Variants in CDKL3 observed in about 807,000 individuals in gnomAD.
CDKL3 encodes the protein cyclin dependent kinase like 3, also known as cyclin-dependent kinase-like 3.
Under a neutral mutation model 69.3 loss-of-function variants are expected in CDKL3, and 65 were observed. The ratio of observed to expected loss-of-function variants is 0.94; its 90% CI spans 0.77 to 1.15. The LOEUF (loss-of-function observed/expected upper bound fraction) is 1.15. CDKL3 is among the 50% of genes most tolerant of loss of function. The pLI, the probability that CDKL3 is intolerant of heterozygous loss-of-function variation, is 0.00. For missense variants in CDKL3, 652 were observed against 689.2 expected, an observed-to-expected ratio of 0.95 and a Z score of 0.61; for synonymous variants, 202 against 221.6, an observed-to-expected ratio of 0.91 and a Z score of 0.79.
upstream of CDKL3, among the ~76,000 whole-genome samples, chr5:134,368,768 C>T (rs918852699): frequency 1.3e-5 from 2 of 151,932 alleles, no homozygotes; most frequent in African/African-American, 2.4e-5. Context: ...AAGGAGGCTG[C>T]GCACAGTGGC....
At chr5:134,371,487 G>GGCT, upstream of CDKL3, 1 of 1,409,494 alleles carries the variant, frequency 7.1e-7, no homozygotes, top group East Asian at 2.5e-5. Flanking sequence ...CGGCGGCGGC[G>GGCT]GCGGCGGCGG....
At chr5:134,371,561 T>G (rs762292024), upstream of CDKL3, 2 of 1,609,348 alleles carry the variant, frequency 1.2e-6, no homozygotes, top group Non-Finnish European at 1.7e-6. Context: ...CGGGACTTTT[T>G]TTTTTTCAGA....
chr5:134,298,770 A>C (rs769732916), intron 12 of CDKL3, 60 bp from the exon 13 acceptor site: 2 of 1,575,336 alleles, frequency 1.3e-6, no homozygotes, highest in Non-Finnish European at 1.7e-6. Context: ...TATGCTACCA[A>C]AACTCTGACT....
intron 2 of CDKL3, among the ~76,000 whole-genome samples, 158 bp downstream of exon 2, chr5:134,366,201 G>A (rs200528844): frequency 6.6e-6 from 1 of 152,030 alleles, no homozygotes; most frequent in Non-Finnish European, 1.5e-5. Flanking sequence ...CATATATCTT[G>A]TATCACTATA....
chr5:134,327,155 G>C (rs1300603480), intron 4 of CDKL3, among the ~76,000 whole-genome samples: 1 of 152,024 alleles, frequency 6.6e-6, no homozygotes, highest in Non-Finnish European at 1.5e-5. Context: ...TGGGTGATTA[G>C]TGTCAAGAGG....
chr5:134,320,473 CAGGCTGAG>C, intron 5 of CDKL3, among the ~76,000 whole-genome samples: 1 of 152,066 alleles, frequency 6.6e-6, no homozygotes, highest in South Asian at 2.1e-4. Context: ...AGCCACTCAG[CAGGCTGAG>C]GTGGGAGAAT....
At position 134,350,387 on chromosome 5, in the gene CDKL3, G is replaced by C. The variant is rs1168554258; in HGVS notation, c.401C>G (p.Ser134Cys). 6.4e-7 allele frequency: 1 copy of C among 1,573,842 alleles called. No homozygotes were observed. The highest frequency in any genetic ancestry group is 1.2e-5 in the South Asian group (1 of 85,674). ...ACAGAGCTTAGTAATTCCTGACTGG[G>C]ATACTAAAATATTCTCAGGTTTTAT... The part of the protein sequence containing the change: ...RDIKPENILV[S>C]QSGITKLCDF... The change falls in exon 4 of 13, where the codon TCC becomes TGC. Residue 134 changes from serine (S) to cysteine (C), a missense_variant. Coordinates refer to ENST00000265334, the MANE Select transcript of CDKL3 (RefSeq NM_001113575.2).
chr5:134,309,061 T>G (rs1768673832), intron 7 of CDKL3, among the ~76,000 whole-genome samples: 1 of 152,220 alleles, frequency 6.6e-6, no homozygotes, highest in Admixed American at 6.5e-5. Flanking sequence ...TAAGGAAGAC[T>G]CAGACCACTT....
chr5:134,314,765 G>C (rs79313579), intron 6 of CDKL3, among the ~76,000 whole-genome samples: 4,879 of 152,234 alleles, frequency 0.032, 242 homozygotes, highest in African/African-American at 0.11. Context: ...TAATCTATGG[G>C]AATAGAAAGC....
intron 5 of CDKL3, among the ~76,000 whole-genome samples, chr5:134,320,353 C>T (rs985891609): frequency 6.6e-6 from 1 of 152,094 alleles, no homozygotes; most frequent in Admixed American, 6.6e-5. Context: ...TGGTGGCTCA[C>T]GCCTGTAATC....
intron 4 of CDKL3, among the ~76,000 whole-genome samples, chr5:134,326,571 T>C (rs929155891): frequency 9.9e-5 from 15 of 151,264 alleles, no homozygotes; most frequent in African/African-American, 3.4e-4. Context: ...CAAACAGAGG[T>C]ATGAACTTCT....
Position 134,330,831 on chromosome 5 carries a change from C to T in CDKL3, c.540-8928G>A, listed in dbSNP as rs576026204. Among the ~76,000 whole-genome samples the T allele has an allele frequency of 2.0e-5, 3 of 152,272 alleles. No individual in the cohort carries two copies. The South Asian group carries it at 6.2e-4, about 32-fold the overall frequency. On this transcript the variant is annotated intron_variant, in intron 4 of 12. Transcript: ENST00000265334. Reference sequence around the variant, plus strand: ...CAACAAGCAAAATGCCTTGAGCATCCCAAAAAAACCATTGCCATGACCTTT... The same window carrying T: ...CAACAAGCAAAATGCCTTGAGCATCTCAAAAAAACCATTGCCATGACCTTT...
At chr5:134,302,765 A>G (rs1433596259) in intron 11 of CDKL3, 78 bp from the exon 12 acceptor site, 1 of 720,464 alleles carries the variant, frequency 1.4e-6, no homozygotes, top group African/African-American at 1.8e-5. Flanking sequence ...AAGAATTTCA[A>G]ATAGAAATCC....
At chr5:134,361,812 G>A (rs991316786) in intron 2 of CDKL3, among the ~76,000 whole-genome samples, 1 of 152,206 alleles carries the variant, frequency 6.6e-6, no homozygotes, top group African/African-American at 2.4e-5. Context: ...ATTAAGAGAG[G>A]AGAATCGCTT....
chr5:134,312,387 A>G lies in CDKL3; in HGVS notation c.793-7T>C. 4 of 1,543,032 alleles carry G rather than the reference A, an allele frequency of 2.6e-6. No individual in the cohort carries two copies. Among genetic ancestry groups the G allele is most frequent in the Non-Finnish European group, 3.5e-6 (4 of 1,137,700 alleles). ...GATCAATTTGTAAACAAGCCTAGGA[A>G]AGGAAAAAGATTTTAATAAGTGAGC... On this transcript the variant is annotated splice_region_variant and splice_polypyrimidine_tract_variant and intron_variant, in intron 6 of 12. Coordinates refer to ENST00000265334, the MANE Select transcript of CDKL3 (RefSeq NM_001113575.2).
intron 4 of CDKL3, among the ~76,000 whole-genome samples, chr5:134,342,172 G>A (rs974793239): frequency 1.1e-4 from 16 of 152,134 alleles, no homozygotes; most frequent in African/African-American, 3.6e-4. Context: ...TTTTATGCCC[G>A]TGCAATGAAC....
chr5:134,283,652 CT>C (rs1434995623), downstream of CDKL3, among the ~76,000 whole-genome samples: 3 of 152,272 alleles, frequency 2.0e-5, no homozygotes, highest in South Asian at 2.1e-4. Context: ...CATTCCACCC[CT>C]GGCCCCTCCC....
chr5:134,314,660 G>C (rs551166294), intron 6 of CDKL3, among the ~76,000 whole-genome samples: 1 of 152,192 alleles, frequency 6.6e-6, no homozygotes, highest in East Asian at 1.9e-4. Flanking sequence ...AAACATGAAT[G>C]AATCTCTAAA....
At chr5:134,316,426 C>T (rs1580911846) in intron 6 of CDKL3, among the ~76,000 whole-genome samples, 3 of 152,000 alleles carry the variant, frequency 2.0e-5, no homozygotes, top group Admixed American at 1.3e-4. Context: ...AGTGAAACCC[C>T]GTCTCTACTA....
Sources: allele counts gnomAD v4.1 joint callset (sites outside exome capture counted in the v4.1 genomes callset), GRCh38; gene constraint gnomAD v4.1.1; transcripts MANE v1.5; gene names NCBI Gene and HGNC (gene_info 2026-07-23, HGNC 2026-07-21).